The following CSNK2A2 variants were observed in gnomAD, a reference collection of about 807,000 sequenced individuals.
CSNK2A2 encodes the protein casein kinase II subunit alpha'.
A neutral mutation model predicts 54.0 loss-of-function variants in CSNK2A2; 8 were observed. The observed-to-expected ratio is 0.15, with a 90% CI of 0.09 to 0.27. The LOEUF is 0.27. Among genes scored for constraint, CSNK2A2 ranks in the 10% least tolerant of loss-of-function variants. The probability of loss-of-function intolerance (pLI) is 1.00; values close to 1 mark genes in which losing one functional copy is unlikely to be tolerated. For missense variants in CSNK2A2, 242 were observed against 439.4 expected (o/e 0.55, Z 4.02); for synonymous variants, 141 against 153.9 (o/e 0.92, Z 0.62).
chr16:58,179,094 T>G (rs1350687857), intron 4 of CSNK2A2, among the ~76,000 whole-genome samples: 1 of 152,220 alleles, frequency 6.6e-6, no homozygotes, highest in African/African-American at 2.4e-5. Context: ...AAAAGTATTG[T>G]GGTTTGCATA....
Position 58,165,725 on chromosome 16 carries a change from A to G in CSNK2A2, c.828-17T>C. On this transcript the variant is annotated splice_polypyrimidine_tract_variant and intron_variant, in intron 9 of 11. Coordinates refer to ENST00000262506, the MANE Select transcript of CSNK2A2 (RefSeq NM_001896.4). ...CGTGAATGTCTGAGAAGAAAAATGA[A>G]GCATTAGTAACCAGAGACTAAATTC... The G allele has an allele frequency of 6.2e-7, 1 of 1,604,326 alleles. No homozygotes were observed. Among genetic ancestry groups the G allele is most frequent in the Non-Finnish European group, 8.5e-7 (1 of 1,176,716 alleles).
chr16:58,177,147 C>T (rs1961902850), intron 4 of CSNK2A2, among the ~76,000 whole-genome samples: 1 of 152,220 alleles, frequency 6.6e-6, no homozygotes, highest in South Asian at 2.1e-4. Context: ...ATACACCAAA[C>T]ACCATGTATG....
Position 58,171,216 on chromosome 16 carries a change from G to A in CSNK2A2, c.430-2523C>T, listed in dbSNP as rs528574249. On this transcript the variant is annotated intron_variant, in intron 5 of 11. Coordinates refer to ENST00000262506, the MANE Select transcript of CSNK2A2 (RefSeq NM_001896.4). ...CGATCTGTGCTTTTCCCTGAACCAA[G>A]AGTATACAATATAGAATGCTTGTTA... Among the ~76,000 whole-genome samples, 111 of 152,218 alleles carry A rather than the reference G, an allele frequency of 7.3e-4. 7 individuals are homozygous for A. The South Asian group carries it at 0.014, about 19-fold the overall frequency.
intron 5 of CSNK2A2, 39 bp from the exon 6 acceptor site, chr16:58,168,732 C>A: frequency 6.8e-7 from 1 of 1,468,080 alleles, no homozygotes; most frequent in Non-Finnish European, 9.5e-7. Flanking sequence ...TAAGCAACCC[C>A]TCTACCATCC....
chr16:58,164,011 T>A, intron 11 of CSNK2A2, 43 bp downstream of exon 11: 1 of 1,449,362 alleles, frequency 6.9e-7, no homozygotes, highest in South Asian at 1.2e-5. Context: ...AAGGTTTGTG[T>A]TTGGTTGGTT....
At chr16:58,160,153 C>T (rs978936663) in intron 11 of CSNK2A2, 1 of 152,178 alleles carries the variant, frequency 6.6e-6, no homozygotes, top group African/African-American at 2.4e-5. Flanking sequence ...CTGGTCTCCA[C>T]CTCGGGGTTA....
rs1393790668 is a variant in CSNK2A2, at chr16:58,197,157, C to A, written c.105-313G>T. On this transcript the variant is annotated intron_variant, in intron 1 of 11. Coordinates refer to ENST00000262506, the MANE Select transcript of CSNK2A2 (RefSeq NM_001896.4). The surrounding 1 kb of genome is among the most constrained non-coding windows in gnomAD (Gnocchi z 4.0). Reference sequence around the variant, plus strand: ...GGTGCCCCCTGTGCCCCGCGGCTCCCCAGCACCTGCTTCTCGTTTCACATC... The same window carrying A: ...GGTGCCCCCTGTGCCCCGCGGCTCCACAGCACCTGCTTCTCGTTTCACATC... The A allele has an allele frequency of 2.9e-5, 10 of 349,584 alleles. No individual in the cohort carries two copies. The highest frequency in any genetic ancestry group is 4.8e-5 in the Non-Finnish European group (9 of 186,240). The allele number at this position is 349,584 out of a possible 1,614,324, so 21.7% of individuals were successfully genotyped here.
At position 58,171,077 on chromosome 16, in the gene CSNK2A2, A is replaced by G. The variant is rs946210390; in HGVS notation, c.430-2384T>C. Reference sequence around the variant, plus strand: ...CCCCTGGGGGACAAGCTTGACCTGGATAAGAAGCAATAAACTAGACTCTTG... The same window carrying G: ...CCCCTGGGGGACAAGCTTGACCTGGGTAAGAAGCAATAAACTAGACTCTTG... On this transcript the variant is annotated intron_variant, in intron 5 of 11. Coordinates refer to ENST00000262506, the MANE Select transcript of CSNK2A2 (RefSeq NM_001896.4). Among the ~76,000 whole-genome samples, 10 of 152,210 alleles carry G rather than the reference A, an allele frequency of 6.6e-5. No homozygotes were observed. In the East Asian group the frequency reaches 1.7e-3, roughly 26 times the overall value.
chr16:58,183,994 G>A (rs141711692), intron 4 of CSNK2A2, among the ~76,000 whole-genome samples: 1 of 152,148 alleles, frequency 6.6e-6, no homozygotes, highest in Non-Finnish European at 1.5e-5. Flanking sequence ...TCTAAAACAG[G>A]AGTGTTACAG....
At position 58,180,054 on chromosome 16, in the gene CSNK2A2, G is replaced by C. The variant is rs1486451973; in HGVS notation, c.369+4206C>G. 2.7e-5 allele frequency among the ~76,000 whole-genome samples: 4 copies of C among 149,764 alleles called. 1 individual carries two copies. Among genetic ancestry groups the C allele is most frequent in the Non-Finnish European group, 5.9e-5 (4 of 67,626 alleles). ...AGACTGTGCCACTGCACTCCAGCCT[G>C]GGCAACAGAGCGAGACTCCTTCTCA... On this transcript the variant is annotated intron_variant, in intron 4 of 11. Transcript: ENST00000262506.
chr16:58,158,645 G>A (rs910617225), intron 11 of CSNK2A2, among the ~76,000 whole-genome samples: 1 of 152,106 alleles, frequency 6.6e-6, no homozygotes, highest in African/African-American at 2.4e-5. Context: ...CCATCCCTCG[G>A]GTCCAGGGTG....
intron 5 of CSNK2A2, 43 bp downstream of exon 5, chr16:58,174,408 G>C (rs969783248): frequency 2.2e-6 from 3 of 1,363,784 alleles, no homozygotes; most frequent in Non-Finnish European, 3.1e-6. Flanking sequence ...ATCTTTTAAT[G>C]AACAGGCCTG....
At chr16:58,171,979 A>ATATATATATATATATATATATTTT in intron 5 of CSNK2A2, among the ~76,000 whole-genome samples, 1 of 66,184 alleles carries the variant, frequency 1.5e-5, no homozygotes, top group East Asian at 5.1e-4. Context: ...ATATATATAT[A>ATATATATATATATATATATATTTT]TTTTTTTTTT....
intron 6 of CSNK2A2, among the ~76,000 whole-genome samples, chr16:58,168,165 C>A (rs1480911497): frequency 6.6e-6 from 1 of 152,088 alleles, no homozygotes; most frequent in Non-Finnish European, 1.5e-5. Context: ...GGACACACAT[C>A]CCACTCCAGG....
chr16:58,173,517 G>C (rs1358455765), intron 5 of CSNK2A2, among the ~76,000 whole-genome samples: 1 of 152,192 alleles, frequency 6.6e-6, no homozygotes, highest in African/African-American at 2.4e-5. Context: ...ATTCCTTTAA[G>C]TGCTTATCTA....
rs149276354 is a variant in CSNK2A2, at chr16:58,176,300, A to C, written c.370-1790T>G. On this transcript the variant is annotated intron_variant, in intron 4 of 11. Coordinates refer to ENST00000262506, the MANE Select transcript of CSNK2A2 (RefSeq NM_001896.4). ...GCCTCCCTCATCATGTGGTACCTAC[A>C]CCATGCATCTGTATAAATGGTGTAA... Among the ~76,000 whole-genome samples the C allele has an allele frequency of 1.5e-3, 233 of 152,312 alleles. 1 individual carries two copies. Among genetic ancestry groups the C allele is most frequent in the African/African-American group, 5.3e-3 (222 of 41,564 alleles).
intron 10 of CSNK2A2, among the ~76,000 whole-genome samples, chr16:58,165,052 G>A (rs37363): frequency 0.37 from 56,997 of 152,034 alleles, 11,193 homozygotes; most frequent in Non-Finnish European, 0.45. Context: ...AAGCAAACAC[G>A]CAAAGTGAAT....
intron 11 of CSNK2A2, chr16:58,161,516 TAGACACACAGAC>T (rs1961358850): frequency 7.6e-6 from 1 of 131,156 alleles, no homozygotes; most frequent in Non-Finnish European, 1.6e-5. Context: ...GTCTAAATAT[TAGACACACAGAC>T]ACACACACAG....
intron 10 of CSNK2A2, among the ~76,000 whole-genome samples, chr16:58,164,454 A>G (rs1025603875): frequency 3.3e-5 from 5 of 152,202 alleles, no homozygotes; most frequent in South Asian, 2.1e-4. Context: ...TTCAATATTA[A>G]TATCATCTCT....
Sources: allele counts gnomAD v4.1 joint callset (sites outside exome capture counted in the v4.1 genomes callset), GRCh38; gene constraint gnomAD v4.1.1; non-coding constraint Gnocchi (gnomAD v3.1); transcripts MANE v1.5; gene names NCBI Gene and HGNC (gene_info 2026-07-23, HGNC 2026-07-21).